Variants in CADPS observed in about 807,000 individuals in gnomAD.
The protein encoded by CADPS is calcium-dependent secretion activator 1.
CADPS carries 57 observed loss-of-function variants against 167.3 expected under a neutral mutation model. That is an observed-to-expected ratio of 0.34 (90% CI 0.28 to 0.42). The LOEUF is 0.42. Ranked by LOEUF, CADPS falls within the 20% of genes least tolerant of loss-of-function variation. CADPS has a pLI of 1.00. For missense variants in CADPS, 1,414 were observed against 1,738.1 expected (o/e 0.81, Z 3.32); for synonymous variants, 676 against 635.3 (o/e 1.06, Z -0.96).
intron 3 of CADPS, among the ~76,000 whole-genome samples, chr3:62,735,090 A>AT (rs985049163): frequency 5.3e-5 from 8 of 152,128 alleles, no homozygotes; most frequent in Admixed American, 2.0e-4. Flanking sequence ...TTTATAACGC[A>AT]TTTTTTTGTA....
At chr3:62,867,782 A>T (rs2081972917) in intron 1 of CADPS, among the ~76,000 whole-genome samples, 1 of 149,848 alleles carries the variant, frequency 6.7e-6, no homozygotes, top group South Asian at 2.1e-4. Context: ...TATTGCACTT[A>T]CACATTCCAG....
At chr3:62,505,839 G>A (rs961558942) in intron 17 of CADPS, among the ~76,000 whole-genome samples, 1 of 152,154 alleles carries the variant, frequency 6.6e-6, no homozygotes, top group African/African-American at 2.4e-5. Flanking sequence ...AGGGCTTAGA[G>A]CAGTGCTGGG....
At chr3:62,621,894 C>T (rs2063231305) in intron 6 of CADPS, among the ~76,000 whole-genome samples, 1 of 29,750 alleles carries the variant, frequency 3.4e-5, no homozygotes, top group Non-Finnish European at 1.1e-4. Context: ...GTCCTACTTA[C>T]TTCTTTTTTT....
At chr3:62,588,008 G>A (rs577415720) in intron 7 of CADPS, among the ~76,000 whole-genome samples, 11 of 152,280 alleles carry the variant, frequency 7.2e-5, no homozygotes, top group Admixed American at 5.9e-4. Flanking sequence ...CAATTCAGCC[G>A]AGGACCATGT....
At position 62,503,915 on chromosome 3, in the gene CADPS, T is replaced by C. The variant is rs757167970; in HGVS notation, c.2600-4647A>G. On this transcript the variant is annotated intron_variant, in intron 17 of 29. Coordinates refer to ENST00000383710, the MANE Select transcript of CADPS (RefSeq NM_003716.4). ...TGGACCTGCTCCTTTCTAATAGTTC[T>C]GGTTTATAAAGCAATCTGTATGGTG... Among the ~76,000 whole-genome samples, 142 of 152,156 alleles carry C rather than the reference T, an allele frequency of 9.3e-4. 5 individuals are homozygous for C. The highest frequency in any genetic ancestry group is 2.1e-4 in the Non-Finnish European group (14 of 68,028).
intron 21 of CADPS, among the ~76,000 whole-genome samples, chr3:62,486,099 C>T (rs972143459): frequency 1.3e-5 from 2 of 152,174 alleles, no homozygotes; most frequent in African/African-American, 2.4e-5. Context: ...TCACATGTAT[C>T]TTATGGCATT....
At chr3:62,857,676 A>G (rs2079972140) in intron 1 of CADPS, among the ~76,000 whole-genome samples, 1 of 152,058 alleles carries the variant, frequency 6.6e-6, no homozygotes, top group Non-Finnish European at 1.5e-5. Flanking sequence ...TAACCTCTAT[A>G]TATCCATGCA....
intron 12 of CADPS, 89 bp downstream of exon 12, chr3:62,536,356 G>C (rs1471852715): frequency 1.7e-6 from 2 of 1,168,070 alleles, no homozygotes; most frequent in Non-Finnish European, 2.4e-6. Context: ...CTGTAATGGA[G>C]AAAAGAGCTT....
At chr3:62,576,451 G>A (rs1260853957) in intron 8 of CADPS, among the ~76,000 whole-genome samples, 1 of 151,950 alleles carries the variant, frequency 6.6e-6, no homozygotes, top group East Asian at 1.9e-4. Flanking sequence ...GGTAAGGGCT[G>A]GATAAGTATT....
chr3:62,824,742 T>C (rs1409061592), intron 1 of CADPS, among the ~76,000 whole-genome samples: 2 of 152,306 alleles, frequency 1.3e-5, no homozygotes, highest in Non-Finnish European at 2.9e-5. Flanking sequence ...TACGAACTGC[T>C]GTGTAATTTG....
At chr3:62,661,507 A>T (rs956365753) in intron 4 of CADPS, among the ~76,000 whole-genome samples, 26 of 152,088 alleles carry the variant, frequency 1.7e-4, no homozygotes, top group African/African-American at 5.6e-4. Context: ...TCCGGTGGGA[A>T]AGTTGTGCAA....
intron 6 of CADPS, among the ~76,000 whole-genome samples, chr3:62,610,373 T>G (rs555472486): frequency 6.8e-4 from 103 of 151,980 alleles, no homozygotes; most frequent in Non-Finnish European, 1.3e-3. Context: ...GCCTCAGCCT[T>G]CCCAGTAGCT....
chr3:62,508,863 C>T (rs1202531954), intron 17 of CADPS, among the ~76,000 whole-genome samples: 1 of 152,076 alleles, frequency 6.6e-6, no homozygotes, highest in Non-Finnish European at 1.5e-5. Flanking sequence ...TTTAACACAT[C>T]CTTTTTTTTC....
intron 17 of CADPS, among the ~76,000 whole-genome samples, chr3:62,511,619 C>T (rs2067845882): frequency 6.6e-6 from 1 of 152,078 alleles, no homozygotes; most frequent in Non-Finnish European, 1.5e-5. Context: ...TTTCCATTCC[C>T]AATCCTAGCT....
At chr3:62,471,594 G>A (rs1266519646) in intron 24 of CADPS, among the ~76,000 whole-genome samples, 2 of 152,144 alleles carry the variant, frequency 1.3e-5, no homozygotes, top group African/African-American at 2.4e-5. Context: ...GACCAGGTAT[G>A]TGGGAGCTTT....
intron 3 of CADPS, among the ~76,000 whole-genome samples, chr3:62,739,219 A>G (rs1009308910): frequency 4.6e-5 from 7 of 152,184 alleles, no homozygotes; most frequent in Non-Finnish European, 1.0e-4. Flanking sequence ...GCCATGTGAA[A>G]AAGTCCAGGG....
chr3:62,871,734 A>C (rs1378026444), intron 1 of CADPS, among the ~76,000 whole-genome samples: 1 of 152,204 alleles, frequency 6.6e-6, no homozygotes, highest in Non-Finnish European at 1.5e-5. Context: ...AAACTAAGGA[A>C]ATCTGAATAA....
intron 3 of CADPS, among the ~76,000 whole-genome samples, chr3:62,671,571 C>T (rs987272176): frequency 1.3e-5 from 2 of 152,254 alleles, no homozygotes; most frequent in East Asian, 3.9e-4. Context: ...CTAAGCCAGG[C>T]TCCCATCATC....
chr3:62,850,680 A>C (rs1169589335), intron 1 of CADPS, among the ~76,000 whole-genome samples: 1 of 151,496 alleles, frequency 6.6e-6, no homozygotes, highest in Non-Finnish European at 1.5e-5. Context: ...TGCTGAGGAG[A>C]GTTTAACTTC....
Sources: gnomAD v4.1 joint callset for allele counts (sites outside exome capture counted in the v4.1 genomes callset) on GRCh38, gnomAD v4.1.1 for gene constraint, MANE v1.5 for transcripts, NCBI Gene and HGNC (gene_info 2026-07-23, HGNC 2026-07-21) for gene names.